Variants in ANKRD12 observed in about 807,000 individuals in gnomAD.
The protein encoded by ANKRD12 is ankyrin repeat domain-containing protein 12.
In ANKRD12, 85 loss-of-function variants were observed where a neutral mutation model predicts 183.4. The observed-to-expected ratio is 0.46, with a 90% CI of 0.39 to 0.56. The LOEUF (loss-of-function observed/expected upper bound fraction) is 0.56. Ranked by LOEUF, ANKRD12 falls within the 20% of genes least tolerant of loss-of-function variation. The pLI is 0.00. For missense variants in ANKRD12, 2,405 were observed against 2,357.1 expected (o/e 1.02, Z -0.42); for synonymous variants, 914 against 800.2 (o/e 1.14, Z -2.40).
At chr18:9,138,289 GA>G (rs1331781437) in intron 1 of ANKRD12, among the ~76,000 whole-genome samples, 7 of 152,246 alleles carry the variant, frequency 4.6e-5, no homozygotes, top group African/African-American at 1.7e-4. Flanking sequence ...GACGTGGGTA[GA>G]TCACCTGAGG....
intron 3 of ANKRD12, among the ~76,000 whole-genome samples, chr18:9,197,090 A>G (rs1444600592): frequency 6.6e-6 from 1 of 152,166 alleles, no homozygotes; most frequent in Non-Finnish European, 1.5e-5. Context: ...AAATATTAAT[A>G]TTTTTAAGGA....
At chr18:9,189,296 T>C (rs368626393) in intron 2 of ANKRD12, among the ~76,000 whole-genome samples, 1 of 152,162 alleles carries the variant, frequency 6.6e-6, no homozygotes, top group Non-Finnish European at 1.5e-5. Context: ...AGAAGAAAAG[T>C]CTGAAGCTAG....
chr18:9,223,186 A>G lies in ANKRD12; in HGVS notation c.943+1187A>G, dbSNP rs374785042. ...GTAATCCCAGCGCTTTGGGAGGCCA[A>G]TGTGGGCCAGATCACTTGAGGCCGA... On this transcript the variant is annotated intron_variant, in intron 8 of 12. Transcript: ENST00000262126. Among the ~76,000 whole-genome samples, 29 of 152,070 alleles carry G rather than the reference A, an allele frequency of 1.9e-4. No homozygotes were observed. The South Asian group carries it at 2.1e-3, about 11-fold the overall frequency.
chr18:9,215,845 T>A (rs181032194), intron 6 of ANKRD12, among the ~76,000 whole-genome samples: 122 of 152,088 alleles, frequency 8.0e-4, no homozygotes, highest in African/African-American at 2.9e-3. Context: ...AAAATATGGA[T>A]CTTGGAGAAA....
At chr18:9,258,973 C>G in intron 9 of ANKRD12, 42 bp downstream of exon 9, 1 of 1,533,808 alleles carries the variant, frequency 6.5e-7, no homozygotes, top group Middle Eastern at 1.8e-4. Flanking sequence ...TAACACTGCC[C>G]AATAGAAGTA....
Position 9,255,151 on chromosome 18 carries a change from TC to T in ANKRD12, c.1885del (p.His629IlefsTer12). The T allele has an allele frequency of 6.3e-7, 1 of 1,587,368 alleles. No homozygotes were observed. Among genetic ancestry groups the T allele is most frequent in the Non-Finnish European group, 8.5e-7 (1 of 1,172,374 alleles). ...CAAATGCCAAAATAAAGGATGAAGA[TC>T]ATAGTCCAACATTTGAAAATTCAGA... Reference protein sequence around the residue: ...KSNAKIKDEDHSPTFENSDCT... With the variant: ...KSNAKIKDEDXSPTFENSDCT... On this transcript the variant is annotated frameshift_variant, in exon 9 of 13. Transcript: ENST00000262126. LOFTEE classifies it high-confidence loss of function.
intron 8 of ANKRD12, among the ~76,000 whole-genome samples, chr18:9,224,770 A>G (rs1011442196): frequency 6.6e-6 from 1 of 152,240 alleles, no homozygotes; most frequent in African/African-American, 2.4e-5. Flanking sequence ...AAAATTTAGA[A>G]TGACTTAAAT....
intron 4 of ANKRD12, among the ~76,000 whole-genome samples, chr18:9,206,484 G>A (rs907989460): frequency 1.4e-4 from 22 of 152,046 alleles, no homozygotes; most frequent in African/African-American, 4.8e-4. Context: ...ACTTGAAAAC[G>A]CATACTTTGG....
intron 3 of ANKRD12, among the ~76,000 whole-genome samples, chr18:9,198,813 T>C (rs1421939156): frequency 6.6e-6 from 1 of 152,116 alleles, no homozygotes; most frequent in Non-Finnish European, 1.5e-5. Context: ...CCCAAAGTGC[T>C]GGGATTACAG....
At chr18:9,182,813 CTTTTTA>C (rs1567888324) in intron 2 of ANKRD12, among the ~76,000 whole-genome samples, 2 of 152,038 alleles carry the variant, frequency 1.3e-5, no homozygotes, top group African/African-American at 4.8e-5. Context: ...GTAATTCTGT[CTTTTTA>C]TATCTATCCT....
At chr18:9,273,183 G>A (rs960279538) in intron 10 of ANKRD12, among the ~76,000 whole-genome samples, 14 of 152,162 alleles carry the variant, frequency 9.2e-5, no homozygotes, top group South Asian at 2.1e-4. Flanking sequence ...GCACAAGTCC[G>A]TAGCAAATAT....
rs1296292558 is a variant in ANKRD12, at chr18:9,136,947, T to G, written c.-70T>G. 1 of 152,114 alleles carries G rather than the reference T, an allele frequency of 6.6e-6. No homozygotes were observed. The highest frequency in any genetic ancestry group is 1.5e-5 in the Non-Finnish European group (1 of 68,048). The allele number at this position is 152,114 out of a possible 1,614,324, so 9.4% of individuals were successfully genotyped here. A position where few individuals can be genotyped will look rare whatever the true frequency, so the allele number is the denominator to read the frequency against. ...CACTCGTTCCGGGGGTGAAGCCTCC[T>G]GCGCCGGCCTTGCCTCGGGTCCGTA... On this transcript the variant is annotated 5_prime_UTR_variant, in exon 1 of 13. Coordinates refer to ENST00000262126, the MANE Select transcript of ANKRD12 (RefSeq NM_015208.5).
chr18:9,258,476 A>G lies in ANKRD12; in HGVS notation c.5209A>G (p.Arg1737Gly). ...TENQIPQRMT[R>G]NKANTMANQS... ...AAACCAAATCCCTCAAAGAATGACT[A>G]GAAACAAAGCAAATACAATGGCAAA... The change falls in exon 9 of 13, where the codon AGA (arginine) becomes GGA (glycine). Residue 1737 changes from arginine (R) to glycine (G), a missense_variant. Physicochemically the swap from Arg to Gly is moderately radical, Grantham distance 125. Transcript: ENST00000262126. 6.2e-7 allele frequency: 1 copy of G among 1,613,856 alleles called. No individual in the cohort carries two copies. Among genetic ancestry groups the G allele is most frequent in the Non-Finnish European group, 8.5e-7 (1 of 1,179,960 alleles).
rs368331036 is a variant in ANKRD12 at position 9,208,647 on chromosome 18, A to G, written c.305-10A>G. ...GTTTCAAATTCTTACATATTTGTTA[A>G]TAATTCCAGAGAAAGAAGGTCCAGA... On this transcript the variant is annotated splice_polypyrimidine_tract_variant and intron_variant, in intron 4 of 12. Transcript: ENST00000262126. The G allele has an allele frequency of 1.0e-5, 16 of 1,590,876 alleles. No homozygotes were observed. The highest frequency in any genetic ancestry group is 1.4e-5 in the Non-Finnish European group (16 of 1,172,368).
intron 1 of ANKRD12, among the ~76,000 whole-genome samples, chr18:9,149,400 A>G (rs1466586570): frequency 6.6e-6 from 1 of 152,224 alleles, no homozygotes; most frequent in Non-Finnish European, 1.5e-5. Context: ...TAGTTCATTT[A>G]GACTAGTGTT....
intron 8 of ANKRD12, among the ~76,000 whole-genome samples, chr18:9,252,601 T>C (rs1224341304): frequency 2.6e-5 from 4 of 152,232 alleles, no homozygotes; most frequent in African/African-American, 4.8e-5. Context: ...TTGCTTCAAA[T>C]TGATGAATCA....
chr18:9,256,108 A>G lies in ANKRD12; in HGVS notation c.2841A>G (p.Glu947=), dbSNP rs916595667. 1 of 1,559,000 alleles carries G rather than the reference A, an allele frequency of 6.4e-7. No homozygotes were observed. The highest frequency in any genetic ancestry group is 2.2e-5 in the Admixed American group (1 of 44,770). Residue 947 remains glutamate, a synonymous_variant, in exon 9 of 13, where the codon GAA becomes GAG. Coordinates refer to ENST00000262126, the MANE Select transcript of ANKRD12 (RefSeq NM_015208.5). ...ATAATAGTGAATACAGTAAATCAGA[A>G]AAAGGCAAAAATAAAGAAAAAGACA... ...QSDNSEYSKS[E]KGKNKEKDRE...
intron 3 of ANKRD12, among the ~76,000 whole-genome samples, chr18:9,201,428 A>T (rs1023456565): frequency 6.6e-6 from 1 of 152,186 alleles, no homozygotes; most frequent in Non-Finnish European, 1.5e-5. Flanking sequence ...AACTTAATTT[A>T]CAATTCTTTT....
intron 10 of ANKRD12, among the ~76,000 whole-genome samples, chr18:9,272,565 A>G (rs1346044296): frequency 6.6e-6 from 1 of 152,090 alleles, no homozygotes; most frequent in Non-Finnish European, 1.5e-5. Flanking sequence ...CCATCTCAAA[A>G]AAAAAAAGAA....
Sources: gnomAD v4.1 joint callset for allele counts (sites outside exome capture counted in the v4.1 genomes callset) on GRCh38, gnomAD v4.1.1 for gene constraint, MANE v1.5 for transcripts, NCBI Gene and HGNC (gene_info 2026-07-23, HGNC 2026-07-21) for gene names.